PAK3: variants seen among roughly 807,000 people sequenced by gnomAD.
PAK3 encodes the protein serine/threonine-protein kinase PAK 3.
PAK3 carries 4 observed loss-of-function variants against 41.0 expected under a neutral mutation model. The observed-to-expected ratio is 0.10, with a 90% CI of 0.05 to 0.22. The LOEUF (loss-of-function observed/expected upper bound fraction) is 0.22. Among genes scored for constraint, PAK3 ranks in the 10% least tolerant of loss-of-function variants. PAK3 has a pLI of 1.00. For synonymous variants in PAK3, 146 were observed against 139.6 expected, an observed-to-expected ratio of 1.05 and a Z score of -0.32; for missense variants, 205 against 409.9, an observed-to-expected ratio of 0.50 and a Z score of 4.32.
At chrX:111,041,563 C>T (rs1035162399) in intron 1 of PAK3, among the ~76,000 whole-genome samples, 1 of 111,793 alleles carries the variant, frequency 8.9e-6, no homozygotes, top group Non-Finnish European at 1.9e-5. Context: ...TCCACAGACT[C>T]CTTTTTTCAG....
At chrX:111,196,786 C>A in intron 16 of PAK3, 146 bp downstream of exon 16, 1 of 403,930 alleles carries the variant, frequency 2.5e-6, no homozygotes, top group Non-Finnish European at 4.3e-6. Context: ...TTCAAATTTA[C>A]TGTAAGCTTT....
At chrX:111,093,602 A>G (rs1338518280), upstream of PAK3, among the ~76,000 whole-genome samples, 1 of 112,421 alleles carries the variant, frequency 8.9e-6, no homozygotes, top group Non-Finnish European at 1.9e-5. Flanking sequence ...TCTCGTATCA[A>G]GAATAACATA....
At chrX:110,954,806 G>T (rs2090820613) in intron 1 of PAK3, among the ~76,000 whole-genome samples, 1 of 111,481 alleles carries the variant, frequency 9.0e-6, no homozygotes, top group Admixed American at 9.5e-5. Flanking sequence ...CATGACTATT[G>T]TTTGTGTCAC....
chrX:110,947,119 A>G (rs2090634755), intron 1 of PAK3, among the ~76,000 whole-genome samples: 1 of 111,777 alleles, frequency 8.9e-6, no homozygotes. Flanking sequence ...TGGTCACAAA[A>G]TTATGCTAGG....
intron 1 of PAK3, among the ~76,000 whole-genome samples, chrX:111,009,497 G>A (rs200428214): frequency 1.5e-4 from 1 of 6,885 alleles, no homozygotes; most frequent in African/African-American, 1.5e-4. Context: ...CTTAGTCTTC[G>A]TGGCCCCAGG....
intron 1 of PAK3, among the ~76,000 whole-genome samples, chrX:111,075,772 G>A (rs748437257): frequency 1.9e-4 from 21 of 112,589 alleles, no homozygotes; most frequent in African/African-American, 5.8e-4. Flanking sequence ...CAGCCTAGAA[G>A]AGCCACAAGC....
Position 111,046,564 on chromosome X carries a change from A to G in PAK3, c.-27-76513A>G, listed in dbSNP as rs748563732. Among the ~76,000 whole-genome samples the G allele has an allele frequency of 5.4e-5, 6 of 111,860 alleles. No homozygotes were observed. In the East Asian group the frequency reaches 1.1e-3, roughly 21 times the overall value. On this transcript the variant is annotated intron_variant, in intron 1 of 14. Coordinates refer to the PAK3 transcript ENST00000425146. ...CAATATAGAATAGTAGTTAAGAACC[A>G]GACTACAGATGGGGTGTAGGATTGC... is the stretch of plus-strand genomic sequence containing the variant.
At chrX:111,121,383 C>G (rs1484519083) in intron 4 of PAK3, among the ~76,000 whole-genome samples, 1 of 111,823 alleles carries the variant, frequency 8.9e-6, no homozygotes, top group African/African-American at 3.2e-5. Flanking sequence ...GATGGAGAAG[C>G]TATTAATTGA....
intron 1 of PAK3, among the ~76,000 whole-genome samples, chrX:111,054,234 G>A (rs891774522): frequency 1.4e-4 from 16 of 112,090 alleles, no homozygotes; most frequent in African/African-American, 4.5e-4. Flanking sequence ...CAGCTTATAC[G>A]GCTGTTTTGC....
At chrX:110,959,772 G>A (rs1225578502) in intron 1 of PAK3, among the ~76,000 whole-genome samples, 7 of 111,488 alleles carry the variant, frequency 6.3e-5, no homozygotes, top group Non-Finnish European at 1.3e-4. Flanking sequence ...AGGGGTGATA[G>A]CCACACTCTC....
intron 1 of PAK3, among the ~76,000 whole-genome samples, chrX:110,953,118 A>G (rs1343183028): frequency 1.8e-5 from 2 of 112,100 alleles, no homozygotes; most frequent in Non-Finnish European, 3.8e-5. Flanking sequence ...CTAATGAACT[A>G]TTCTGCAAAG....
intron 1 of PAK3, among the ~76,000 whole-genome samples, chrX:110,954,771 T>A (rs1329064652): frequency 8.9e-6 from 1 of 111,947 alleles, no homozygotes; most frequent in East Asian, 2.8e-4. Context: ...AATATTATCA[T>A]TGAGAGATAA....
intron 1 of PAK3, among the ~76,000 whole-genome samples, chrX:110,945,530 T>G (rs2090598650): frequency 8.9e-6 from 1 of 111,832 alleles, no homozygotes; most frequent in Non-Finnish European, 1.9e-5. Flanking sequence ...GGGTTTCCTC[T>G]CTCAGCCAAT....
intron 1 of PAK3, among the ~76,000 whole-genome samples, chrX:110,964,688 C>T (rs903970846): frequency 1.9e-4 from 21 of 112,194 alleles, no homozygotes; most frequent in African/African-American, 6.2e-4. Context: ...ACCTGTGCCA[C>T]GTCTGAAGAA....
At chrX:111,150,123 T>A (rs767723768) in intron 7 of PAK3, among the ~76,000 whole-genome samples, 1 of 111,948 alleles carries the variant, frequency 8.9e-6, no homozygotes, top group South Asian at 3.8e-4. Flanking sequence ...GCTGCTAGTG[T>A]CTTTGCTAAA....
intron 1 of PAK3, among the ~76,000 whole-genome samples, chrX:111,047,859 C>T (rs1245091070): frequency 4.5e-5 from 5 of 112,069 alleles, no homozygotes; most frequent in African/African-American, 1.6e-4. Context: ...TTCTCTTCTG[C>T]ATCATCAATC....
At chrX:111,114,994 T>C (rs1341707906) in intron 4 of PAK3, among the ~76,000 whole-genome samples, 1 of 112,019 alleles carries the variant, frequency 8.9e-6, no homozygotes, top group Non-Finnish European at 1.9e-5. Context: ...CCTTCTTGTG[T>C]GGTAAGGGCT....
chrX:110,981,932 G>T (rs1461854085), intron 1 of PAK3, among the ~76,000 whole-genome samples: 4 of 111,754 alleles, frequency 3.6e-5, no homozygotes, highest in Non-Finnish European at 7.5e-5. Context: ...GGCTAGATAT[G>T]GGTAGAGAGA....
At chrX:111,010,950 T>C (rs2148707608) in intron 1 of PAK3, among the ~76,000 whole-genome samples, 1 of 111,890 alleles carries the variant, frequency 8.9e-6, no homozygotes, top group African/African-American at 3.2e-5. Context: ...ATAAACCCAG[T>C]GAAAGCCTTA....
Sources: gnomAD v4.1 joint callset for allele counts (sites outside exome capture counted in the v4.1 genomes callset) on GRCh38, gnomAD v4.1.1 for gene constraint, MANE v1.5 for transcripts, NCBI Gene and HGNC (gene_info 2026-07-23, HGNC 2026-07-21) for gene names.